FRMD5: variants seen among roughly 807,000 people sequenced by gnomAD.
The protein encoded by FRMD5 is FERM domain-containing protein 5.
In FRMD5, 20 loss-of-function variants were observed where a neutral mutation model predicts 69.0. The ratio of observed to expected loss-of-function variants is 0.29; its 90% confidence interval spans 0.20 to 0.42. The LOEUF is 0.42. Ranked by LOEUF, FRMD5 falls within the 10% of genes least tolerant of loss-of-function variation. The pLI is 1.00. For missense variants in FRMD5, 595 were observed against 708.6 expected (o/e 0.84, Z 1.82); for synonymous variants, 271 against 260.1 (o/e 1.04, Z -0.40).
upstream of FRMD5, among the ~76,000 whole-genome samples, chr15:44,196,689 A>ACTT (rs2078303336): frequency 8.3e-6 from 1 of 121,054 alleles, no homozygotes; most frequent in Admixed American, 9.4e-5. Flanking sequence ...ATTTTCCCCA[A>ACTT]TTTTTTTTTT....
At chr15:43,878,177 A>G (rs1375128575) in intron 13 of FRMD5, among the ~76,000 whole-genome samples, 1 of 151,604 alleles carries the variant, frequency 6.6e-6, no homozygotes, top group Non-Finnish European at 1.5e-5. Context: ...TAATTTTCGT[A>G]TTTTTTGTAG....
intron 1 of FRMD5, among the ~76,000 whole-genome samples, chr15:44,172,618 C>T (rs1952612952): frequency 6.6e-6 from 1 of 152,094 alleles, no homozygotes; most frequent in South Asian, 2.1e-4. Context: ...AAAAATATTA[C>T]TCCAAATGAT....
At chr15:44,147,665 G>C (rs2077377763) in intron 1 of FRMD5, among the ~76,000 whole-genome samples, 1 of 152,178 alleles carries the variant, frequency 6.6e-6, no homozygotes, top group African/African-American at 2.4e-5. Flanking sequence ...GGCAGAGTAA[G>C]AAGTACCAGG....
intron 1 of FRMD5, among the ~76,000 whole-genome samples, chr15:44,173,612 G>A (rs907898456): frequency 1.3e-5 from 2 of 152,146 alleles, no homozygotes; most frequent in Non-Finnish European, 2.9e-5. Flanking sequence ...CCAGGTTCAA[G>A]TGATTCTCCC....
intron 1 of FRMD5, among the ~76,000 whole-genome samples, chr15:44,124,402 A>G (rs1012139298): frequency 2.6e-5 from 4 of 152,104 alleles, no homozygotes; most frequent in African/African-American, 9.7e-5. Context: ...AGAAGAAAGA[A>G]GAAAAATAAA....
chr15:44,044,708 A>G (rs568370608), intron 1 of FRMD5, among the ~76,000 whole-genome samples: 1 of 152,206 alleles, frequency 6.6e-6, no homozygotes, highest in Admixed American at 6.5e-5. Context: ...GTGGGTGCTG[A>G]ACAATGAGAA....
Position 44,155,662 on chromosome 15 carries a change from C to T in FRMD5, c.102+39291G>A, listed in dbSNP as rs966917796. 1.6e-4 allele frequency among the ~76,000 whole-genome samples: 25 copies of T among 151,908 alleles called. No individual in the cohort carries two copies. The South Asian group carries it at 4.6e-3, about 28-fold the overall frequency. On this transcript the variant is annotated intron_variant, in intron 1 of 13. Coordinates refer to ENST00000417257, the MANE Select transcript of FRMD5 (RefSeq NM_032892.5). ...AGGCTGGAATGCAATGGCACCATCT[C>T]GGCTCACTGCAACCTCCACCTCCCA...
intron 1 of FRMD5, among the ~76,000 whole-genome samples, chr15:44,003,133 T>A (rs747826110): frequency 1.2e-4 from 18 of 152,208 alleles, no homozygotes; most frequent in Admixed American, 2.0e-4. Context: ...CTGGAGTCTT[T>A]ACTCTCTCTT....
At chr15:43,971,772 C>A (rs770795844) in intron 1 of FRMD5, among the ~76,000 whole-genome samples, 3 of 151,026 alleles carry the variant, frequency 2.0e-5, no homozygotes, top group African/African-American at 7.3e-5. Context: ...AATGGTGCAA[C>A]CTCAGCTCAC....
intron 7 of FRMD5, among the ~76,000 whole-genome samples, chr15:43,898,556 A>T (rs545143657): frequency 4.9e-4 from 75 of 152,328 alleles, no homozygotes; most frequent in Admixed American, 8.5e-4. Flanking sequence ...CCGTAACAGG[A>T]CATCTCCGTA....
chr15:43,923,080 G>A (rs891937508), intron 2 of FRMD5, among the ~76,000 whole-genome samples: 1 of 152,234 alleles, frequency 6.6e-6, no homozygotes, highest in African/African-American at 2.4e-5. Flanking sequence ...GCAAAGGGTA[G>A]ATGAAGGGAA....
chr15:44,150,572 G>C (rs1342578835), intron 1 of FRMD5, among the ~76,000 whole-genome samples: 1 of 151,714 alleles, frequency 6.6e-6, no homozygotes, highest in Non-Finnish European at 1.5e-5. Context: ...TTAAGCCCAA[G>C]AGTTTGAGAC....
At chr15:43,919,021 T>A (rs1266313609) in intron 4 of FRMD5, 1 of 290,458 alleles carries the variant, frequency 3.4e-6, no homozygotes, top group Non-Finnish European at 6.9e-6. Context: ...TGATTTTAAA[T>A]CTTCAGTATC....
At chr15:44,003,429 T>C (rs1018910634) in intron 1 of FRMD5, among the ~76,000 whole-genome samples, 1 of 152,168 alleles carries the variant, frequency 6.6e-6, no homozygotes, top group African/African-American at 2.4e-5. Context: ...CACTCAGATG[T>C]AGGTTGTTAA....
chr15:43,940,047 G>C (rs566387354), intron 1 of FRMD5, among the ~76,000 whole-genome samples: 98 of 152,230 alleles, frequency 6.4e-4, no homozygotes, highest in African/African-American at 2.3e-3. Flanking sequence ...CTTGGTAGCG[G>C]GTGCCTGTAA....
At chr15:44,182,841 G>C (rs1036813868) in intron 1 of FRMD5, among the ~76,000 whole-genome samples, 1 of 152,146 alleles carries the variant, frequency 6.6e-6, no homozygotes, top group Non-Finnish European at 1.5e-5. Context: ...TGTCGCCCAG[G>C]CTAGAGTGCA....
intron 13 of FRMD5, among the ~76,000 whole-genome samples, chr15:43,875,651 T>A (rs1250770992): frequency 6.6e-6 from 1 of 151,346 alleles, no homozygotes; most frequent in East Asian, 1.9e-4. Context: ...CTAATTTTTT[T>A]ATTTTGAGTA....
intron 1 of FRMD5, among the ~76,000 whole-genome samples, chr15:43,927,698 C>T (rs1191425124): frequency 4.0e-5 from 6 of 151,668 alleles, no homozygotes; most frequent in African/African-American, 1.5e-4. Flanking sequence ...TTACTTTGCA[C>T]CAAGCTGGCT....
chr15:44,189,707 G>T lies in FRMD5; in HGVS notation c.102+5246C>A, dbSNP rs2078163031. 2.0e-5 allele frequency among the ~76,000 whole-genome samples: 3 copies of T among 152,076 alleles called. No individual in the cohort carries two copies. The South Asian group carries it at 6.2e-4, about 32-fold the overall frequency. On this transcript the variant is annotated intron_variant, in intron 1 of 13. Coordinates refer to ENST00000417257, the MANE Select transcript of FRMD5 (RefSeq NM_032892.5). ...GGGTTTTACCATGTTGACCAGGCTGGTCTCAAACTCCTGATCTCAAGTGAT... is the reference window on the plus strand; with the variant it reads ...GGGTTTTACCATGTTGACCAGGCTGTTCTCAAACTCCTGATCTCAAGTGAT...
Sources: gnomAD v4.1 joint callset for allele counts (sites outside exome capture counted in the v4.1 genomes callset) on GRCh38, gnomAD v4.1.1 for gene constraint, MANE v1.5 for transcripts, NCBI Gene and HGNC (gene_info 2026-07-23, HGNC 2026-07-21) for gene names.